Variants in PIK3CD observed in about 807,000 individuals in gnomAD.
PIK3CD encodes phosphatidylinositol-4,5-bisphosphate 3-kinase catalytic subunit delta, also known as phosphatidylinositol 4,5-bisphosphate 3-kinase catalytic subunit delta isoform.
In PIK3CD, 20 loss-of-function variants were observed where a neutral mutation model predicts 122.9. That is an observed-to-expected ratio of 0.16 (90% CI 0.11 to 0.24). The LOEUF is 0.24. Ranked by LOEUF, PIK3CD falls within the 10% of genes least tolerant of loss-of-function variation. The probability of loss-of-function intolerance (pLI) is 1.00; values close to 1 mark genes in which losing one functional copy is unlikely to be tolerated. For missense variants in PIK3CD, 787 were observed against 1,406.3 expected (o/e 0.56, Z 7.04); for synonymous variants, 596 against 593.4 (o/e 1.00, Z -0.06).
chr1:9,631,775 C>T, the PIK3CD span, among the ~76,000 whole-genome samples: 1 of 152,248 alleles, frequency 6.6e-6, no homozygotes, highest in Non-Finnish European at 1.5e-5. Flanking sequence ...CCTTGCCCAG[C>T]TCCTTTGGCT....
intron 2 of PIK3CD, among the ~76,000 whole-genome samples, chr1:9,694,972 AAGAG>A (rs113822530): frequency 1.1e-4 from 16 of 150,858 alleles, no homozygotes; most frequent in Admixed American, 2.0e-4. Flanking sequence ...AAAAACAAAA[AAGAG>A]AGAGAGAGAG....
chr1:9,689,517 T>A lies in PIK3CD; in HGVS notation c.-137-1950T>A, dbSNP rs1395647514. Among the ~76,000 whole-genome samples the A allele has an allele frequency of 7.7e-6, 1 of 129,952 alleles. No homozygotes were observed. Among genetic ancestry groups the A allele is most frequent in the Non-Finnish European group, 1.6e-5 (1 of 60,638 alleles). The allele number at this position is 129,952 out of a possible 152,430, so 85.3% of individuals were successfully genotyped here. A position where few individuals can be genotyped will look rare whatever the true frequency, so the allele number is the denominator to read the frequency against. On this transcript the variant is annotated intron_variant, in intron 1 of 23. Coordinates refer to ENST00000377346, the MANE Select transcript of PIK3CD (RefSeq NM_005026.5). The surrounding 1 kb of genome is among the most constrained non-coding windows in gnomAD (Gnocchi z 6.1). ...GCCGGCGCCCCGCCCCGCCTGCCAGTAGTCCCAGCCCCGCCCCGGGCCGCG... is the reference window on the plus strand; with the variant it reads ...GCCGGCGCCCCGCCCCGCCTGCCAGAAGTCCCAGCCCCGCCCCGGGCCGCG...
the PIK3CD span, among the ~76,000 whole-genome samples, chr1:9,644,238 G>C: frequency 0.015 from 2,327 of 152,276 alleles, 126 homozygotes; most frequent in East Asian, 0.096. Context: ...GCCTGGGCTG[G>C]AGTGGTGGCT....
chr1:9,675,528 C>G (rs1344031056), intron 1 of PIK3CD, among the ~76,000 whole-genome samples: 2 of 152,086 alleles, frequency 1.3e-5, no homozygotes, highest in Non-Finnish European at 2.9e-5. Context: ...AGAGGCTGCT[C>G]CTAACCCTGC....
At chr1:9,650,232 G>A (rs988714129), upstream of PIK3CD, among the ~76,000 whole-genome samples, 1 of 152,096 alleles carries the variant, frequency 6.6e-6, no homozygotes, top group African/African-American at 2.4e-5. Context: ...GACCAGCCTG[G>A]TGAACATGGC....
In PIK3CD at chr1:9,719,866, A is replaced by G; in HGVS notation, c.1243-55A>G. The G allele has an allele frequency of 7.0e-7, 1 of 1,430,484 alleles. No homozygotes were observed. Among genetic ancestry groups the G allele is most frequent in the Non-Finnish European group, 9.9e-7 (1 of 1,013,556 alleles). The allele number at this position is 1,430,484 out of a possible 1,614,324, so 88.6% of individuals were successfully genotyped here. A position where few individuals can be genotyped will look rare whatever the true frequency, so the allele number is the denominator to read the frequency against. On this transcript the variant is annotated intron_variant, in intron 9 of 23. Transcript: ENST00000377346. This position sits in a 1 kb window ranked among gnomAD's most constrained non-coding sequence, Gnocchi z 5.5. The stretch of plus-strand genomic sequence containing the variant: ...TGGGGTGCCTGGGGGAGGGCAGGGA[A>G]GCTGGGTCTGGAGGCCCCTGAGTGG...
At position 9,727,025 on chromosome 1, in the gene PIK3CD, G is replaced by A. The variant is rs138398486; in HGVS notation, c.3114G>A (p.Val1038=). ...AAGTGAACTGGCTGGCCCACAACGT[G>A]TCCAAAGACAACAGGCAGTAGTGGC... ...KTKVNWLAHN[V]SKDNRQ The change falls in exon 24 of 24, where the codon GTG becomes GTA. Residue 1038 remains valine, a synonymous_variant. Coordinates refer to ENST00000377346, the MANE Select transcript of PIK3CD (RefSeq NM_005026.5). 9.5e-5 allele frequency: 154 copies of A among 1,613,968 alleles called. No homozygotes were observed. In the African/African-American group the frequency reaches 1.8e-3, roughly 19 times the overall value.
chr1:9,679,693 GCCTCTTCTCCTCCT>G (rs1645675921), intron 1 of PIK3CD, among the ~76,000 whole-genome samples: 1 of 152,260 alleles, frequency 6.6e-6, no homozygotes, highest in African/African-American at 2.4e-5. Flanking sequence ...CAGTGACTTT[GCCTCTTCTCCTCCT>G]CCTCTTCTTC....
chr1:9,716,401 G>C (rs768987080), intron 5 of PIK3CD, 39 bp from the exon 6 acceptor site: 2 of 1,603,990 alleles, frequency 1.2e-6, no homozygotes, highest in African/African-American at 2.7e-5. Flanking sequence ...ACCCCGGGGG[G>C]CCTCGAGGGC....
At chr1:9,639,734 T>C in the PIK3CD span, among the ~76,000 whole-genome samples, 1 of 152,058 alleles carries the variant, frequency 6.6e-6, no homozygotes, top group African/African-American at 2.4e-5. Context: ...TGTTTGTTTG[T>C]TTGTTGTTTC....
intron 2 of PIK3CD, among the ~76,000 whole-genome samples, chr1:9,703,146 G>A (rs574663968): frequency 4.6e-5 from 7 of 152,288 alleles, no homozygotes; most frequent in East Asian, 1.9e-4. Context: ...ACAGTCTGTC[G>A]TTTCTGCTAC....
At chr1:9,673,825 C>T (rs1488704445) in intron 1 of PIK3CD, among the ~76,000 whole-genome samples, 2 of 152,170 alleles carry the variant, frequency 1.3e-5, no homozygotes, top group East Asian at 3.8e-4. Flanking sequence ...TTCTGAAGCA[C>T]TCAGCTTTGT....
intron 1 of PIK3CD, among the ~76,000 whole-genome samples, chr1:9,675,385 C>CA (rs34447888): frequency 0.027 from 1,579 of 57,880 alleles, 57 homozygotes; most frequent in East Asian, 0.23. Flanking sequence ...GACTCCGTCT[C>CA]AAAAAAAAAA....
Position 9,723,066 on chromosome 1 carries a change from TG to T in PIK3CD, c.2427-57del. 6.5e-7 allele frequency: 1 copy of T among 1,545,256 alleles called. No individual in the cohort carries two copies. The highest frequency in any genetic ancestry group is 1.1e-5 in the South Asian group (1 of 89,764). On this transcript the variant is annotated intron_variant, in intron 19 of 23. Coordinates refer to ENST00000377346, the MANE Select transcript of PIK3CD (RefSeq NM_005026.5). This position sits in a 1 kb window ranked among gnomAD's most constrained non-coding sequence, Gnocchi z 4.9. The stretch of plus-strand genomic sequence containing the variant: ...GCACCATGAGTTTCTGGGGCTCAAG[TG>T]GCCTCAGGGACAGCCCTTGACCATG...
At chr1:9,664,054 T>C (rs1004192398) in intron 1 of PIK3CD, among the ~76,000 whole-genome samples, 10 of 144,786 alleles carry the variant, frequency 6.9e-5, no homozygotes, top group South Asian at 2.3e-4. Flanking sequence ...TCTTTCTTTT[T>C]TTTTTTTTTT....
At chr1:9,674,620 G>A (rs1283878739) in intron 1 of PIK3CD, among the ~76,000 whole-genome samples, 2 of 150,860 alleles carry the variant, frequency 1.3e-5, no homozygotes, top group South Asian at 2.1e-4. Context: ...AACCGGAGAG[G>A]TGGAGGCTGC....
chr1:9,659,292 G>A (rs905793309), intron 1 of PIK3CD, among the ~76,000 whole-genome samples: 2 of 152,072 alleles, frequency 1.3e-5, no homozygotes, highest in Non-Finnish European at 2.9e-5. Context: ...AAACCTGCAC[G>A]TCCTGCACAT....
chr1:9,649,398 T>A (rs1398503222), upstream of PIK3CD, among the ~76,000 whole-genome samples: 1 of 151,968 alleles, frequency 6.6e-6, no homozygotes, highest in Non-Finnish European at 1.5e-5. Flanking sequence ...ACCCGGCTAA[T>A]TTTTTCTATT....
intron 1 of PIK3CD, among the ~76,000 whole-genome samples, chr1:9,666,736 G>A (rs890097149): frequency 6.6e-6 from 1 of 151,906 alleles, no homozygotes; most frequent in Admixed American, 6.6e-5. Flanking sequence ...GCAGAGTCTC[G>A]CTCTGTCGCC....
Sources: allele counts gnomAD v4.1 joint callset (sites outside exome capture counted in the v4.1 genomes callset), GRCh38; gene constraint gnomAD v4.1.1; non-coding constraint Gnocchi (gnomAD v3.1); transcripts MANE v1.5; gene names NCBI Gene and HGNC (gene_info 2026-07-23, HGNC 2026-07-21).